Variants in MYH10 observed in about 807,000 individuals in gnomAD.
The protein encoded by MYH10 is myosin heavy chain 10.
In MYH10, 55 loss-of-function variants were observed where a neutral mutation model predicts 257.8. The ratio of observed to expected loss-of-function variants is 0.21; its 90% CI spans 0.17 to 0.27. MYH10 has a LOEUF of 0.27. MYH10 is among the 10% of genes least tolerant of loss of function. MYH10 has a pLI of 1.00. For missense variants in MYH10, 1,631 were observed against 2,500.6 expected (o/e 0.65, Z 7.42); for synonymous variants, 854 against 921.7 (o/e 0.93, Z 1.33).
intron 19 of MYH10, among the ~76,000 whole-genome samples, chr17:8,520,000 C>T (rs2081599020): frequency 6.6e-6 from 1 of 152,244 alleles, no homozygotes; most frequent in South Asian, 2.1e-4. Flanking sequence ...ACTGTAATTG[C>T]ACGCATGTGT....
In MYH10 at chr17:8,492,959, C is replaced by T. The variant is rs1401263159; in HGVS notation, c.4275G>A (p.Lys1425=). The T allele has an allele frequency of 6.2e-7, 1 of 1,614,170 alleles. No homozygotes were observed. Among genetic ancestry groups the T allele is most frequent in the Non-Finnish European group, 8.5e-7 (1 of 1,180,026 alleles). ...LGTIESLEEA[K]KKLLKDAEAL... ...CCTCCGCGTCCTTCAGAAGCTTCTT[C>T]TTGGCTTCTTCCAGACTTTCAATTG... The change falls in exon 33 of 43, where the codon AAG becomes AAA. Residue 1425 remains lysine (K), a synonymous_variant. Transcript: ENST00000360416.
In MYH10 at chr17:8,504,457, C is replaced by G. The variant is rs1315681517; in HGVS notation, c.3599+237G>C. Among the ~76,000 whole-genome samples the G allele has an allele frequency of 1.3e-5, 2 of 152,198 alleles. No individual in the cohort carries two copies. Among genetic ancestry groups the G allele is most frequent in the Admixed American group, 6.5e-5 (1 of 15,292 alleles). Reference sequence around the variant, plus strand: ...CATCACTGACCACAGCTTTTCCGATCACATCCATCTCCCTCTGTGTCCCTC... The same window carrying G: ...CATCACTGACCACAGCTTTTCCGATGACATCCATCTCCCTCTGTGTCCCTC... On this transcript the variant is annotated intron_variant, in intron 28 of 42. Transcript: ENST00000360416. This position sits in a 1 kb window ranked among gnomAD's most constrained non-coding sequence, Gnocchi z 5.6.
chr17:8,585,284 G>GTATATATATATATATATATATATA (rs1380120586), intron 4 of MYH10, among the ~76,000 whole-genome samples: 9 of 6,390 alleles, frequency 1.4e-3, no homozygotes, highest in Non-Finnish European at 8.7e-3. Context: ...GCATGTGTGT[G>GTATATATATATATATATATATATA]TGTGTATATA....
chr17:8,569,527 C>T lies in MYH10; in HGVS notation c.756+193G>A, dbSNP rs1025267927. On this transcript the variant is annotated intron_variant, in intron 7 of 42. Coordinates refer to ENST00000360416, the MANE Select transcript of MYH10 (RefSeq NM_001256012.3). The surrounding 1 kb of genome is among the most constrained non-coding windows in gnomAD (Gnocchi z 4.1). Reference sequence around the variant, plus strand: ...ATGATAAAATGATGAAAGTTACTTACACATTACCTTTTTTCTTTTCAAATG... The same window carrying T: ...ATGATAAAATGATGAAAGTTACTTATACATTACCTTTTTTCTTTTCAAATG... Among the ~76,000 whole-genome samples the T allele has an allele frequency of 5.9e-5, 9 of 152,128 alleles. No homozygotes were observed. Among genetic ancestry groups the T allele is most frequent in the Admixed American group, 1.3e-4 (2 of 15,286 alleles).
intron 2 of MYH10, among the ~76,000 whole-genome samples, chr17:8,614,778 A>G (rs575559430): frequency 1.2e-4 from 18 of 152,350 alleles, no homozygotes; most frequent in Middle Eastern, 3.4e-3. Context: ...ATAGAGGACC[A>G]ACAAAGTCAA....
In MYH10 at chr17:8,583,640, C is replaced by T. The variant is rs796821737; in HGVS notation, c.530+5441G>A. ...TTCAACTACATTACACTGTTGCCTT[C>T]GCTGTTTAATCAATTCTATCAATTT... On this transcript the variant is annotated intron_variant, in intron 4 of 42. Coordinates refer to ENST00000360416, the MANE Select transcript of MYH10 (RefSeq NM_001256012.3). Among the ~76,000 whole-genome samples the T allele has an allele frequency of 5.9e-5, 9 of 152,286 alleles. 1 individual carries two copies. The highest frequency in any genetic ancestry group is 2.2e-4 in the African/African-American group (9 of 41,568).
chr17:8,530,874 T>C (rs564678050), intron 16 of MYH10, among the ~76,000 whole-genome samples, 189 bp from the exon 17 acceptor site: 11 of 152,334 alleles, frequency 7.2e-5, no homozygotes, highest in African/African-American at 2.4e-4. Context: ...CTTTATAAAA[T>C]AGATTAATGC....
chr17:8,525,056 C>T (rs1265342633), intron 17 of MYH10, among the ~76,000 whole-genome samples: 2 of 152,230 alleles, frequency 1.3e-5, no homozygotes, highest in Admixed American at 6.5e-5. Context: ...TTCACACATG[C>T]CCCTAAAGGC....
chr17:8,557,397 T>C (rs8068001), intron 7 of MYH10, among the ~76,000 whole-genome samples: 147,291 of 152,204 alleles, frequency 0.97, 71,465 homozygotes, highest in East Asian at 1. Context: ...ACTGACTTCC[T>C]GCTTGAGGAG....
chr17:8,624,766 A>T (rs1449217841), intron 1 of MYH10, among the ~76,000 whole-genome samples: 1 of 152,214 alleles, frequency 6.6e-6, no homozygotes, highest in East Asian at 1.9e-4. Context: ...TACACATTCA[A>T]CCAACTTCTG....
Position 8,535,504 on chromosome 17 carries a change from A to G in MYH10, c.1780-3T>C, listed in dbSNP as rs375261893. The stretch of plus-strand genomic sequence containing the variant: ...CACTCATCTGCCTTATAGTCCACCT[A>G]TCCCGCACCAAAGCCAAAAGTGGTG... On this transcript the variant is annotated splice_polypyrimidine_tract_variant and splice_region_variant and intron_variant, in intron 15 of 42. Transcript: ENST00000360416. The surrounding 1 kb of genome is among the most constrained non-coding windows in gnomAD (Gnocchi z 4.3). The G allele has an allele frequency of 1.8e-5, 29 of 1,599,086 alleles. No homozygotes were observed. The African/African-American group carries it at 3.6e-4, about 20-fold the overall frequency.
In MYH10 at chr17:8,475,705, G is replaced by C; in HGVS notation, c.*99C>G. 1.4e-6 allele frequency: 2 copies of C among 1,396,300 alleles called. No individual in the cohort carries two copies. Among genetic ancestry groups the C allele is most frequent in the Non-Finnish European group, 2.0e-6 (2 of 1,013,890 alleles). 86.5% of individuals were successfully genotyped at this position (1,396,300 alleles called of 1,614,324 possible). On this transcript the variant is annotated 3_prime_UTR_variant, in exon 43 of 43. Coordinates refer to ENST00000360416, the MANE Select transcript of MYH10 (RefSeq NM_001256012.3). ...CCTTAAGACACAGTTGATCTTTCAG[G>C]AAGGAATCCCGTAGCTTGCCAATTT...
chr17:8,498,318 C>T (rs1916986192), intron 30 of MYH10, among the ~76,000 whole-genome samples: 1 of 152,040 alleles, frequency 6.6e-6, no homozygotes, highest in Non-Finnish European at 1.5e-5. Context: ...GGGACTCCAG[C>T]ATCAGAAGAT....
intron 19 of MYH10, among the ~76,000 whole-genome samples, chr17:8,519,589 C>T (rs1022683577): frequency 6.6e-6 from 1 of 151,570 alleles, no homozygotes; most frequent in African/African-American, 2.4e-5. Context: ...CAATTATACT[C>T]CCTTTTTCTC....
chr17:8,533,026 G>C (rs532138201), intron 16 of MYH10, among the ~76,000 whole-genome samples: 1 of 152,256 alleles, frequency 6.6e-6, no homozygotes, highest in African/African-American at 2.4e-5. Context: ...AAAATGAAGA[G>C]AAAACCAGTT....
At chr17:8,550,227 C>T (rs530393230) in intron 9 of MYH10, among the ~76,000 whole-genome samples, 1 of 151,764 alleles carries the variant, frequency 6.6e-6, no homozygotes, top group African/African-American at 2.4e-5. Context: ...GGCTGCCATC[C>T]CACCTAGGAA....
rs1243638990 is a variant in MYH10 at position 8,475,257 on chromosome 17, T to G, written c.*547A>C. 1 of 153,242 alleles carries G rather than the reference T, an allele frequency of 6.5e-6. No homozygotes were observed. The highest frequency in any genetic ancestry group is 1.5e-5 in the Non-Finnish European group (1 of 68,754). The allele number at this position is 153,242 out of a possible 1,614,324, so 9.5% of individuals were successfully genotyped here. A position where few individuals can be genotyped will look rare whatever the true frequency, so the allele number is the denominator to read the frequency against. ...GATCCAGCCCACCCCTCCTACTCTT[T>G]CCAAAGCCCCTTTCACAGTTTGCTC... On this transcript the variant is annotated 3_prime_UTR_variant, in exon 43 of 43. Transcript: ENST00000360416.
chr17:8,595,197 A>C (rs2084315383), intron 3 of MYH10, among the ~76,000 whole-genome samples: 1 of 152,192 alleles, frequency 6.6e-6, no homozygotes, highest in Non-Finnish European at 1.5e-5. Context: ...AAACGGCAGC[A>C]CTAGTGTTTA....
At chr17:8,532,047 T>C (rs1393959790) in intron 16 of MYH10, among the ~76,000 whole-genome samples, 5 of 152,198 alleles carry the variant, frequency 3.3e-5, no homozygotes, top group Non-Finnish European at 2.9e-5. Flanking sequence ...TGAAGAACAG[T>C]GCCTCCCAAC....
Sources: allele counts gnomAD v4.1 joint callset (sites outside exome capture counted in the v4.1 genomes callset), GRCh38; gene constraint gnomAD v4.1.1; non-coding constraint Gnocchi (gnomAD v3.1); transcripts MANE v1.5; gene names NCBI Gene and HGNC (gene_info 2026-07-23, HGNC 2026-07-21).